Variants in MYO9A observed in about 807,000 individuals in gnomAD.
MYO9A encodes unconventional myosin-IXa.
A neutral mutation model predicts 293.3 loss-of-function variants in MYO9A; 103 were observed. That is an observed-to-expected ratio of 0.35 (90% CI 0.30 to 0.41). MYO9A has a LOEUF of 0.41. MYO9A is among the 10% of genes least tolerant of loss of function. MYO9A has a pLI of 1.00. For missense variants in MYO9A, 2,685 were observed against 3,033.0 expected (o/e 0.89, Z 2.69); for synonymous variants, 1,001 against 1,035.7 (o/e 0.97, Z 0.64).
intron 25 of MYO9A, among the ~76,000 whole-genome samples, chr15:71,896,507 C>T (rs190348907): frequency 5.9e-5 from 9 of 152,200 alleles, no homozygotes; most frequent in African/African-American, 1.9e-4. Context: ...CGGCTGGGTG[C>T]GGTGGCTCAC....
In MYO9A at chr15:71,826,086, G is replaced by A. The variant is rs1377373644; in HGVS notation, c.*494C>T. The stretch of plus-strand genomic sequence containing the variant: ...CAGAAATCTTAAAATAGAGGGATTA[G>A]GCTTTTTGTTTGTAAGTAAGTTTTT... On this transcript the variant is annotated 3_prime_UTR_variant, in exon 42 of 42. Transcript: ENST00000356056. 2.8e-5 allele frequency: 4 copies of A among 145,164 alleles called. No individual in the cohort carries two copies. Among genetic ancestry groups the A allele is most frequent in the Non-Finnish European group, 6.0e-5 (4 of 67,048 alleles). The allele number at this position is 145,164 out of a possible 1,614,324, so 9.0% of individuals were successfully genotyped here.
intron 39 of MYO9A, among the ~76,000 whole-genome samples, chr15:71,839,718 CTTTT>C (rs1296533925): frequency 1.3e-5 from 2 of 151,304 alleles, no homozygotes; most frequent in Admixed American, 6.6e-5. Context: ...CCTGAATCGG[CTTTT>C]TTTTTGTTTC....
intron 3 of MYO9A, among the ~76,000 whole-genome samples, chr15:72,031,450 C>T (rs8032038): frequency 0.2 from 30,140 of 151,988 alleles, 3,234 homozygotes; most frequent in East Asian, 0.41. Context: ...TGCACCACTG[C>T]ATTCCAGCCT....
At chr15:71,883,121 T>C (rs2142650603) in intron 28 of MYO9A, among the ~76,000 whole-genome samples, 1 of 152,280 alleles carries the variant, frequency 6.6e-6, no homozygotes, top group East Asian at 1.9e-4. Flanking sequence ...AAAAATTCTC[T>C]GTGCCTGAGT....
intron 18 of MYO9A, among the ~76,000 whole-genome samples, chr15:71,927,638 C>A (rs1048791157): frequency 6.6e-6 from 1 of 152,144 alleles, no homozygotes; most frequent in Non-Finnish European, 1.5e-5. Flanking sequence ...TTTTGATCCA[C>A]ATTTGGTCAC....
At chr15:71,966,170 C>T (rs1023619185) in intron 13 of MYO9A, among the ~76,000 whole-genome samples, 2 of 152,134 alleles carry the variant, frequency 1.3e-5, no homozygotes, top group South Asian at 2.1e-4. Context: ...AGCCACCATG[C>T]CCAGCCTGTC....
rs762986806 is a variant in MYO9A, at chr15:72,007,937, G to A, written c.1269C>T (p.Leu423=). 2.5e-6 allele frequency: 4 copies of A among 1,609,728 alleles called. No individual in the cohort carries two copies. The highest frequency in any genetic ancestry group is 1.3e-5 in the African/African-American group (1 of 74,818). The part of the protein sequence containing the change: ...PKTRRQIFSL[L]SAILHLGNIC... The stretch of plus-strand genomic sequence containing the variant: ...TATTACCCAAATGTAGTATGGCTGA[G>A]AGAAGAGAGAAAATCCTGGGAAAAT... The change falls in exon 8 of 42, where the codon CTC becomes CTT. Residue 423 remains leucine (L), a synonymous_variant. Transcript: ENST00000356056.
At chr15:71,999,795 A>C in intron 9 of MYO9A, 56 bp downstream of exon 9, 1 of 1,449,112 alleles carries the variant, frequency 6.9e-7, no homozygotes, top group Non-Finnish European at 9.5e-7. Flanking sequence ...CAAACTTCAA[A>C]CCTAAACTTC....
At chr15:71,839,152 C>T (rs1204521308) in intron 39 of MYO9A, among the ~76,000 whole-genome samples, 2 of 152,154 alleles carry the variant, frequency 1.3e-5, no homozygotes, top group African/African-American at 4.8e-5. Flanking sequence ...CTTCAGCCAC[C>T]TTTTATGGCT....
At chr15:72,110,319 C>T (rs1015819404) in intron 1 of MYO9A, among the ~76,000 whole-genome samples, 2 of 151,450 alleles carry the variant, frequency 1.3e-5, no homozygotes, top group African/African-American at 4.9e-5. Context: ...ACCTGTAATC[C>T]CAGCTACTTG....
chr15:71,852,258 C>A lies in MYO9A; in HGVS notation c.6349G>T (p.Ala2117Ser). ...TAGTCATCTAGATTTACACTCTCAG[C>A]ATCTATTTAGAGACAAGAGTTAGAT... ...KELRQGLDTD[A>S]ESVNLDDYNI... Residue 2117 changes from alanine (A) to serine (S), a missense_variant and splice_region_variant, in exon 36 of 42, where the codon GCT (alanine) becomes TCT (serine). Coordinates refer to ENST00000356056, the MANE Select transcript of MYO9A (RefSeq NM_006901.4). 6.2e-7 allele frequency: 1 copy of A among 1,605,814 alleles called. No homozygotes were observed. The highest frequency in any genetic ancestry group is 8.5e-7 in the Non-Finnish European group (1 of 1,174,328).
chr15:72,009,558 T>C (rs1170642943), intron 7 of MYO9A, among the ~76,000 whole-genome samples: 1 of 147,832 alleles, frequency 6.8e-6, no homozygotes, highest in African/African-American at 2.5e-5. Context: ...AAAAAAAAAA[T>C]ACAAAATTAG....
chr15:71,834,531 G>A (rs954153529), intron 39 of MYO9A, among the ~76,000 whole-genome samples: 1 of 152,136 alleles, frequency 6.6e-6, no homozygotes, highest in African/African-American at 2.4e-5. Flanking sequence ...CAGAACTTTG[G>A]GAGGCTGAGG....
intron 39 of MYO9A, 57 bp from the exon 40 acceptor site, chr15:71,830,368 T>C: frequency 6.6e-7 from 1 of 1,515,064 alleles, no homozygotes; most frequent in Non-Finnish European, 9.1e-7. Flanking sequence ...AGTTTTACAT[T>C]GCTCTTTTAG....
Position 71,994,459 on chromosome 15 carries a change from A to G in MYO9A, c.1587+10T>C, listed in dbSNP as rs550756989. 167 of 1,475,360 alleles carry G rather than the reference A, an allele frequency of 1.1e-4. No individual in the cohort carries two copies. Among genetic ancestry groups the G allele is most frequent in the Admixed American group, 4.3e-4 (20 of 46,578 alleles). 91.4% of individuals were successfully genotyped at this position (1,475,360 alleles called of 1,614,324 possible). Reference sequence around the variant, plus strand: ...AGGGAAAAACATATTATAATCCAATATATCATTACCTTGGTATTATGCTCT... The same window carrying G: ...AGGGAAAAACATATTATAATCCAATGTATCATTACCTTGGTATTATGCTCT... On this transcript the variant is annotated intron_variant, in intron 10 of 41. Transcript: ENST00000356056.
chr15:72,015,000 C>T (rs1475789467), intron 6 of MYO9A, among the ~76,000 whole-genome samples: 3 of 143,204 alleles, frequency 2.1e-5, no homozygotes, highest in Middle Eastern at 3.6e-3. Context: ...CGTATCACCA[C>T]GCCCTGCTAA....
At chr15:71,930,550 CT>C (rs2145655540) in intron 18 of MYO9A, among the ~76,000 whole-genome samples, 2 of 152,096 alleles carry the variant, frequency 1.3e-5, no homozygotes, top group South Asian at 4.2e-4. Flanking sequence ...GCGTGGGATA[CT>C]TTTTTCCATC....
intron 1 of MYO9A, among the ~76,000 whole-genome samples, chr15:72,113,271 G>T (rs1181026123): frequency 6.6e-6 from 1 of 152,106 alleles, no homozygotes; most frequent in Non-Finnish European, 1.5e-5. Context: ...CTGAAAAGAG[G>T]TAAAGGAAAT....
intron 19 of MYO9A, among the ~76,000 whole-genome samples, chr15:71,915,981 C>T (rs2058000066): frequency 6.6e-6 from 1 of 151,932 alleles, no homozygotes; most frequent in Admixed American, 6.6e-5. Context: ...GGAAAAAAAC[C>T]TTCAGCCTCA....
Sources: allele counts gnomAD v4.1 joint callset (sites outside exome capture counted in the v4.1 genomes callset), GRCh38; gene constraint gnomAD v4.1.1; transcripts MANE v1.5; gene names NCBI Gene and HGNC (gene_info 2026-07-23, HGNC 2026-07-21).